Variants in CADM2 observed in about 807,000 individuals in gnomAD.
The protein encoded by CADM2 is cell adhesion molecule 2.
Under a neutral mutation model 49.8 loss-of-function variants are expected in CADM2, and 12 were observed. The ratio of observed to expected loss-of-function variants is 0.24; its 90% confidence interval spans 0.15 to 0.39. The LOEUF (loss-of-function observed/expected upper bound fraction) is 0.39. CADM2 is among the 10% of genes least tolerant of loss of function. The pLI is 1.00. For missense variants in CADM2, 378 were observed against 492.3 expected (o/e 0.77, Z 2.20); for synonymous variants, 214 against 175.4 (o/e 1.22, Z -1.74).
intron 8 of CADM2, among the ~76,000 whole-genome samples, chr3:86,059,106 A>AG (rs1738329679): frequency 6.6e-6 from 1 of 151,834 alleles, no homozygotes; most frequent in Non-Finnish European, 1.5e-5. Flanking sequence ...AAAAAAAAAA[A>AG]AAAAAAATTC....
intron 1 of CADM2, among the ~76,000 whole-genome samples, chr3:85,447,069 G>A (rs1414404033): frequency 9.2e-6 from 1 of 109,014 alleles, no homozygotes; most frequent in Non-Finnish European, 1.8e-5. Context: ...CACTTTTATA[G>A]TTATAATTCA....
intron 1 of CADM2, among the ~76,000 whole-genome samples, chr3:85,024,948 T>G (rs1265021795): frequency 6.6e-6 from 1 of 152,074 alleles, no homozygotes; most frequent in Non-Finnish European, 1.5e-5. Context: ...TCAATATGTT[T>G]TAGTTTAAAT....
chr3:85,835,314 C>CTT lies in CADM2; in HGVS notation c.238+33132_238+33133dup, dbSNP rs60077347. Among the ~76,000 whole-genome samples the CTT allele has an allele frequency of 7.5e-5, 10 of 132,646 alleles. No homozygotes were observed. The South Asian group carries it at 1.5e-3, about 19-fold the overall frequency. The allele number at this position is 132,646 out of a possible 152,430, so 87.0% of individuals were successfully genotyped here. ...GCTACTGTGAAAACAGTTTTAGCTT[C>CTT]TTTTTTTTTTTTTTTCCTGACTTGT... On this transcript the variant is annotated intron_variant, in intron 3 of 9. Transcript: ENST00000383699.
At chr3:85,804,293 C>T (rs1413807000) in intron 3 of CADM2, among the ~76,000 whole-genome samples, 1 of 151,940 alleles carries the variant, frequency 6.6e-6, no homozygotes, top group Non-Finnish European at 1.5e-5. Flanking sequence ...GTTAATTTGT[C>T]AACTTGGTTA....
intron 1 of CADM2, among the ~76,000 whole-genome samples, chr3:85,492,910 T>A (rs558675646): frequency 6.6e-6 from 1 of 152,248 alleles, no homozygotes; most frequent in Non-Finnish European, 1.5e-5. Context: ...GGGCTCATAC[T>A]TTGCCTGGTA....
chr3:85,687,030 C>A (rs530137947), intron 1 of CADM2, among the ~76,000 whole-genome samples: 2 of 152,266 alleles, frequency 1.3e-5, no homozygotes, highest in East Asian at 3.9e-4. Context: ...CATCCTCAAT[C>A]TTGGCAAAAT....
intron 1 of CADM2, among the ~76,000 whole-genome samples, chr3:85,252,988 C>A (rs762064410): frequency 2.5e-4 from 38 of 151,934 alleles, no homozygotes; most frequent in Non-Finnish European, 5.2e-4. Context: ...TTTCCTAATA[C>A]AATAAAAAAA....
Position 85,932,926 on chromosome 3 carries a change from C to T in CADM2, c.701-2841C>T, listed in dbSNP as rs138829200. Among the ~76,000 whole-genome samples the T allele has an allele frequency of 2.4e-3, 358 of 152,138 alleles. 3 individuals carry two copies. The highest frequency in any genetic ancestry group is 1.2e-3 in the East Asian group (6 of 5,170). Reference sequence around the variant, plus strand: ...GTGTTAAGTATATTATCTGCTTTGGCGTTTGCTTATAATGGAAATTCTGTG... The same window carrying T: ...GTGTTAAGTATATTATCTGCTTTGGTGTTTGCTTATAATGGAAATTCTGTG... On this transcript the variant is annotated intron_variant, in intron 6 of 9. Transcript: ENST00000383699.
Position 85,698,915 on chromosome 3 carries a change from G to A in CADM2, c.62-27607G>A, listed in dbSNP as rs113992613. 9.8e-3 allele frequency among the ~76,000 whole-genome samples: 1,487 copies of A among 152,206 alleles called. 32 individuals are homozygous for A. Among genetic ancestry groups the A allele is most frequent in the African/African-American group, 0.034 (1,430 of 41,508 alleles). On this transcript the variant is annotated intron_variant, in intron 1 of 9. Transcript: ENST00000383699. ...TTAACTCAAAGGTCCACAGTCCAAT[G>A]TCCTGTCTGAGACAAGGCTAGCCCC...
chr3:85,716,924 T>C (rs773171051), intron 1 of CADM2, among the ~76,000 whole-genome samples: 1 of 152,170 alleles, frequency 6.6e-6, no homozygotes. Flanking sequence ...TGAAGTCAGG[T>C]AGTGTGATGC....
intron 1 of CADM2, among the ~76,000 whole-genome samples, chr3:84,977,046 T>C (rs1325710016): frequency 6.6e-6 from 1 of 151,812 alleles, no homozygotes; most frequent in Non-Finnish European, 1.5e-5. Flanking sequence ...GATAGCAGAA[T>C]AGGTGAAAAT....
chr3:84,994,585 T>C (rs2033074157), intron 1 of CADM2, among the ~76,000 whole-genome samples: 1 of 152,192 alleles, frequency 6.6e-6, no homozygotes, highest in Non-Finnish European at 1.5e-5. Flanking sequence ...TTTGGCTTAG[T>C]TGAGTCATAA....
At chr3:85,727,322 G>A (rs149948921) in intron 2 of CADM2, among the ~76,000 whole-genome samples, 9 of 152,102 alleles carry the variant, frequency 5.9e-5, no homozygotes, top group Admixed American at 2.0e-4. Flanking sequence ...TTAATACTAT[G>A]ACATACGCTC....
intron 1 of CADM2, among the ~76,000 whole-genome samples, chr3:85,154,584 G>C (rs1175697646): frequency 6.6e-6 from 1 of 151,620 alleles, no homozygotes; most frequent in Admixed American, 6.6e-5. Context: ...AGGAAATACA[G>C]AGAACCCCAC....
intron 1 of CADM2, among the ~76,000 whole-genome samples, chr3:85,525,616 T>C (rs907571956): frequency 6.6e-6 from 1 of 152,170 alleles, no homozygotes; most frequent in Non-Finnish European, 1.5e-5. Flanking sequence ...GTCTCTTAAC[T>C]AGGACAATCT....
rs548504550 is a variant in CADM2, at chr3:86,009,919, C to T, written c.970+48272C>T. On this transcript the variant is annotated intron_variant, in intron 8 of 9. Coordinates refer to ENST00000383699, the MANE Select transcript of CADM2 (RefSeq NM_001167675.2). The stretch of plus-strand genomic sequence containing the variant: ...TGTCATATGATTATTTTGGGGGTAA[C>T]ACAACACAATTTTCGATATGTTGTG... 4.0e-5 allele frequency among the ~76,000 whole-genome samples: 6 copies of T among 151,730 alleles called. No homozygotes were observed. The South Asian group carries it at 1.0e-3, about 26-fold the overall frequency.
chr3:85,272,288 A>T (rs2043260233), intron 1 of CADM2, among the ~76,000 whole-genome samples: 1 of 151,302 alleles, frequency 6.6e-6, no homozygotes, highest in Non-Finnish European at 1.5e-5. Context: ...TATGTTATGA[A>T]AATGCAAGCC....
chr3:85,211,975 A>G (rs1280092952), intron 1 of CADM2, among the ~76,000 whole-genome samples: 1 of 152,132 alleles, frequency 6.6e-6, no homozygotes. Flanking sequence ...GGGTGCATAT[A>G]TATCTACAAC....
chr3:85,128,749 G>A (rs1240078681), intron 1 of CADM2, among the ~76,000 whole-genome samples: 1 of 152,160 alleles, frequency 6.6e-6, no homozygotes, highest in Admixed American at 6.6e-5. Context: ...AACATGTTAA[G>A]GCTAAATTAT....
Sources: allele counts gnomAD v4.1 joint callset (sites outside exome capture counted in the v4.1 genomes callset), GRCh38; gene constraint gnomAD v4.1.1; transcripts MANE v1.5; gene names NCBI Gene and HGNC (gene_info 2026-07-23, HGNC 2026-07-21).